PHF8: variants seen among roughly 807,000 people sequenced by gnomAD.
PHF8 encodes the protein histone lysine demethylase PHF8.
Under a neutral mutation model 74.4 loss-of-function variants are expected in PHF8, and 9 were observed. That is an observed-to-expected ratio of 0.12 (90% CI 0.07 to 0.21). PHF8 has a LOEUF of 0.21. Among genes scored for constraint, PHF8 ranks in the 10% least tolerant of loss-of-function variants. The pLI is 1.00. For missense variants in PHF8, 478 were observed against 816.6 expected, an observed-to-expected ratio of 0.59 and a Z score of 5.05; for synonymous variants, 311 against 316.6, an observed-to-expected ratio of 0.98 and a Z score of 0.19.
chrX:54,022,029 G>A (rs1235261944), intron 4 of PHF8, among the ~76,000 whole-genome samples: 1 of 111,658 alleles, frequency 9.0e-6, no homozygotes, highest in Non-Finnish European at 1.9e-5. Flanking sequence ...ACTCCTTCTA[G>A]TCAGCATTCC....
At position 54,044,063 on chromosome X, in the gene PHF8, G is replaced by A; in HGVS notation, c.-394C>T. 1.3e-6 allele frequency: 1 copy of A among 755,252 alleles called. No homozygotes were observed. Among genetic ancestry groups the A allele is most frequent in the Non-Finnish European group, 1.6e-6 (1 of 639,559 alleles). 62.2% of individuals were successfully genotyped at this position (755,252 alleles called of 1,213,427 possible). On this transcript the variant is annotated 5_prime_UTR_variant, in exon 1 of 22. Coordinates refer to ENST00000338154, the MANE Select transcript of PHF8 (RefSeq NM_015107.3). ...CCCCTCGAGCCCCCCGCTGGGTCGC[G>A]CGGCGCCAGCCGCTCAACGGTGCTT...
intron 18 of PHF8, among the ~76,000 whole-genome samples, chrX:53,976,687 TA>T (rs782651624): frequency 0.022 from 1,685 of 77,236 alleles, 34 homozygotes; most frequent in African/African-American, 0.067. Flanking sequence ...CTTTTTAAGT[TA>T]AAAAAAAAAA....
At position 53,938,111 on chromosome X, in the gene PHF8, A is replaced by T; in HGVS notation, c.*1047T>A. The T allele has an allele frequency of 8.7e-7, 1 of 1,151,142 alleles. No individual in the cohort carries two copies. 94.9% of individuals were successfully genotyped at this position (1,151,142 alleles called of 1,213,427 possible). A position where few individuals can be genotyped will look rare whatever the true frequency, so the allele number is the denominator to read the frequency against. Reference sequence around the variant, plus strand: ...AGATGTGAGTCCTGAGGTCTTCTTCAGACCAAGACCTCAGGTGGAGAAAGA... The same window carrying T: ...AGATGTGAGTCCTGAGGTCTTCTTCTGACCAAGACCTCAGGTGGAGAAAGA... On this transcript the variant is annotated 3_prime_UTR_variant, in exon 22 of 22. Coordinates refer to ENST00000338154, the MANE Select transcript of PHF8 (RefSeq NM_015107.3).
At chrX:54,036,089 C>G in intron 2 of PHF8, among the ~76,000 whole-genome samples, 1 of 81,126 alleles carries the variant, frequency 1.2e-5, no homozygotes, top group Non-Finnish European at 2.3e-5. Context: ...GCAACAAGAG[C>G]GAAACTCCAT....
At position 54,042,242 on chromosome X, in the gene PHF8, T is replaced by C. The variant is rs782407982; in HGVS notation, c.98+389A>G. Among the ~76,000 whole-genome samples the C allele has an allele frequency of 7.3e-5, 8 of 109,152 alleles. No homozygotes were observed. The South Asian group carries it at 3.2e-3, about 44-fold the overall frequency. 94.8% of individuals were successfully genotyped at this position (109,152 alleles called of 115,157 possible). ...CTTGAACCTGGGAGGCAGAGGTTGC[T>C]GTGAGCCGAGATCGCGCCATTGCAC... On this transcript the variant is annotated intron_variant, in intron 2 of 21. Transcript: ENST00000338154.
intron 18 of PHF8, among the ~76,000 whole-genome samples, chrX:53,969,749 A>G (rs782628888): frequency 8.9e-6 from 1 of 112,246 alleles, no homozygotes; most frequent in Non-Finnish European, 1.9e-5. Flanking sequence ...TAACCAAAAC[A>G]GCATGGTACT....
intron 13 of PHF8, 152 bp from the exon 14 acceptor site, chrX:53,992,991 C>T (rs1410277404): frequency 4.1e-6 from 2 of 490,454 alleles, no homozygotes; most frequent in Non-Finnish European, 7.4e-6. Flanking sequence ...CCCCACTGAT[C>T]ACAGGAGCAG....
intron 2 of PHF8, among the ~76,000 whole-genome samples, chrX:54,029,338 C>T (rs1282982982): frequency 9.0e-6 from 1 of 111,671 alleles, no homozygotes; most frequent in African/African-American, 3.3e-5. Context: ...CCCTATTTTT[C>T]CTAAGGTAAA....
At chrX:54,029,792 C>A (rs2146481398) in intron 2 of PHF8, among the ~76,000 whole-genome samples, 1 of 112,032 alleles carries the variant, frequency 8.9e-6, no homozygotes, top group African/African-American at 3.2e-5. Context: ...ACATATGAGC[C>A]AAGACTCTTA....
At chrX:54,034,476 G>T (rs1603343539) in intron 2 of PHF8, among the ~76,000 whole-genome samples, 1 of 111,443 alleles carries the variant, frequency 9.0e-6, no homozygotes, top group Non-Finnish European at 1.9e-5. Context: ...GGGAAATCAA[G>T]ATATTCTCAG....
intron 2 of PHF8, among the ~76,000 whole-genome samples, chrX:54,040,747 T>C (rs1034942227): frequency 8.9e-6 from 1 of 111,963 alleles, no homozygotes; most frequent in Non-Finnish European, 1.9e-5. Context: ...GTCTTGTCTG[T>C]CATATAAAGG....
At chrX:53,953,013 G>T (rs991498482) in intron 19 of PHF8, among the ~76,000 whole-genome samples, 1 of 110,313 alleles carries the variant, frequency 9.1e-6, no homozygotes, top group Admixed American at 9.7e-5. Context: ...GGTGGCTCGC[G>T]CCTGTAATCT....
At chrX:54,047,693 C>T (rs187690300), upstream of PHF8, among the ~76,000 whole-genome samples, 9 of 111,410 alleles carry the variant, frequency 8.1e-5, no homozygotes, top group East Asian at 2.0e-3. Context: ...GCAAGGGAGA[C>T]GGATAAAAAG....
intron 2 of PHF8, among the ~76,000 whole-genome samples, chrX:54,042,407 CAAAAG>C (rs782397631): frequency 3.7e-4 from 39 of 105,863 alleles, no homozygotes; most frequent in Middle Eastern, 9.8e-3. Context: ...AAAAAACACT[CAAAAG>C]AAAAGTGCAA....
At chrX:54,037,006 A>AAT (rs1304004144) in intron 2 of PHF8, among the ~76,000 whole-genome samples, 2 of 108,693 alleles carry the variant, frequency 1.8e-5, no homozygotes, top group African/African-American at 3.3e-5. Context: ...AAAATAAAAA[A>AAT]AAAAAAAAAA....
Position 54,021,454 on chromosome X carries a change from A to ATTTTTTTT in PHF8, c.293+797_293+804dup, listed in dbSNP as rs1156928686. On this transcript the variant is annotated intron_variant, in intron 4 of 21. Transcript: ENST00000338154. ...TGAATCTAAAATCAAAGTTGCAATT[A>ATTTTTTTT]TTTTTTTTTTTTTTTTTTTTTTTTT... Among the ~76,000 whole-genome samples the ATTTTTTTT allele has an allele frequency of 8.8e-4, 37 of 42,168 alleles. 3 individuals carry two copies. The highest frequency in any genetic ancestry group is 1.3e-3 in the African/African-American group (12 of 9,069). The allele number at this position is 42,168 out of a possible 115,157, so 36.6% of individuals were successfully genotyped here.
rs186148803 is a variant in PHF8, at chrX:53,942,463, C to A, written c.2649+1671G>T. On this transcript the variant is annotated intron_variant, in intron 20 of 21. Transcript: ENST00000338154. ...TTCTTATAATCATTACTTATTTTAA[C>A]TAATTCCCCAACATGAAATCTCCAA... is the stretch of plus-strand genomic sequence containing the variant. Among the ~76,000 whole-genome samples, 815 of 111,891 alleles carry A rather than the reference C, an allele frequency of 7.3e-3. 5 individuals are homozygous for A. The highest frequency in any genetic ancestry group is 0.011 in the Admixed American group (115 of 10,467).
intron 3 of PHF8, 116 bp from the exon 4 acceptor site, chrX:54,022,483 G>T: frequency 1.8e-6 from 1 of 565,585 alleles, no homozygotes; most frequent in Non-Finnish European, 3.1e-6. Context: ...GGAGCATCTG[G>T]AGTCAATGAG....
chrX:54,017,905 G>A, intron 4 of PHF8, 84 bp from the exon 5 acceptor site: 1 of 950,311 alleles, frequency 1.1e-6, no homozygotes, highest in South Asian at 2.0e-5. Flanking sequence ...CCCAAGAGGT[G>A]GGGTTTTTAT....
Sources: allele counts gnomAD v4.1 joint callset (sites outside exome capture counted in the v4.1 genomes callset), GRCh38; gene constraint gnomAD v4.1.1; transcripts MANE v1.5; gene names NCBI Gene and HGNC (gene_info 2026-07-23, HGNC 2026-07-21).